Variants in ZFYVE16 observed in about 807,000 individuals in gnomAD.
ZFYVE16 encodes the protein zinc finger FYVE domain-containing protein 16.
In ZFYVE16, 89 loss-of-function variants were observed where a neutral mutation model predicts 138.1. The ratio of observed to expected loss-of-function variants is 0.64; its 90% CI spans 0.54 to 0.77. ZFYVE16 has a LOEUF of 0.77. Among genes scored for constraint, ZFYVE16 ranks in the 30% least tolerant of loss-of-function variants. The pLI is 0.00. For missense variants in ZFYVE16, 1,793 were observed against 1,786.7 expected (o/e 1.00, Z -0.06); for synonymous variants, 596 against 618.3 (o/e 0.96, Z 0.53).
intron 2 of ZFYVE16, among the ~76,000 whole-genome samples, chr5:80,431,276 G>A (rs905545264): frequency 6.6e-6 from 1 of 152,100 alleles, no homozygotes; most frequent in Non-Finnish European, 1.5e-5. Flanking sequence ...ATGCAAGGCT[G>A]GTTCAACATA....
intron 2 of ZFYVE16, among the ~76,000 whole-genome samples, chr5:80,430,124 A>G (rs1049681029): frequency 1.3e-5 from 2 of 152,216 alleles, no homozygotes; most frequent in South Asian, 4.1e-4. Context: ...ACCCCAAATC[A>G]ACAGAATATA....
intron 9 of ZFYVE16, 108 bp from the exon 10 acceptor site, chr5:80,450,323 T>C (rs914518686): frequency 9.2e-7 from 1 of 1,083,980 alleles, no homozygotes; most frequent in Admixed American, 2.6e-5. Flanking sequence ...AGGAGAACTT[T>C]GGGAACACAA....
Position 80,423,058 on chromosome 5 carries a change from C to T in ZFYVE16, c.-93-4434C>T, listed in dbSNP as rs559397150. 4.6e-5 allele frequency among the ~76,000 whole-genome samples: 7 copies of T among 152,172 alleles called. No homozygotes were observed. The East Asian group carries it at 1.2e-3, about 25-fold the overall frequency. ...TCTTATAGTATAAGTTAGAAGTGTT[C>T]CCTCTGCTGCTTTTTTCTGGAAGAG... On this transcript the variant is annotated intron_variant, in intron 1 of 18. Coordinates refer to ENST00000505560, the MANE Select transcript of ZFYVE16 (RefSeq NM_001284236.3).
At chr5:80,430,055 C>A (rs1561254267) in intron 2 of ZFYVE16, among the ~76,000 whole-genome samples, 1 of 152,086 alleles carries the variant, frequency 6.6e-6, no homozygotes, top group Admixed American at 6.6e-5. Context: ...ACAAGGATAT[C>A]CAGGAATTGA....
chr5:80,474,632 A>T, intron 17 of ZFYVE16, 31 bp from the exon 18 acceptor site: 1 of 1,572,330 alleles, frequency 6.4e-7, no homozygotes, highest in African/African-American at 1.4e-5. Context: ...ACTTTTAATC[A>T]TGACTTGTTT....
intron 4 of ZFYVE16, 74 bp from the exon 5 acceptor site, chr5:80,439,862 A>T: frequency 4.1e-6 from 5 of 1,215,358 alleles, no homozygotes; most frequent in Non-Finnish European, 5.7e-6. Context: ...TAGGTTTAGG[A>T]CCTCCCCACA....
At chr5:80,467,332 T>C (rs1351785220) in intron 15 of ZFYVE16, among the ~76,000 whole-genome samples, 1 of 152,200 alleles carries the variant, frequency 6.6e-6, no homozygotes, top group Non-Finnish European at 1.5e-5. Flanking sequence ...GGGAAGGTCC[T>C]ATGTGTCCAC....
intron 6 of ZFYVE16, among the ~76,000 whole-genome samples, chr5:80,443,557 A>G (rs775519878): frequency 7.9e-5 from 12 of 152,214 alleles, no homozygotes; most frequent in Admixed American, 2.6e-4. Flanking sequence ...CAGGAGCACC[A>G]GGAGGTGCTT....
chr5:80,423,358 A>G (rs1747520336), intron 1 of ZFYVE16, among the ~76,000 whole-genome samples: 1 of 152,066 alleles, frequency 6.6e-6, no homozygotes, highest in Non-Finnish European at 1.5e-5. Flanking sequence ...CCGTGGCATC[A>G]GTAGTGATGA....
intron 11 of ZFYVE16, among the ~76,000 whole-genome samples, chr5:80,453,660 G>A (rs1263298316): frequency 1.3e-5 from 2 of 152,114 alleles, no homozygotes; most frequent in Non-Finnish European, 2.9e-5. Context: ...TACATAGACT[G>A]GCACTTTGAC....
intron 4 of ZFYVE16, among the ~76,000 whole-genome samples, chr5:80,439,519 G>T (rs1012940376): frequency 6.6e-6 from 1 of 152,096 alleles, no homozygotes; most frequent in Non-Finnish European, 1.5e-5. Flanking sequence ...GTTGCCCATA[G>T]AAATCCTATT....
intron 1 of ZFYVE16, among the ~76,000 whole-genome samples, chr5:80,415,260 A>T (rs988205898): frequency 6.6e-6 from 1 of 152,220 alleles, no homozygotes; most frequent in Non-Finnish European, 1.5e-5. Context: ...TAGAGTTCCT[A>T]TATACTCCAC....
chr5:80,431,765 A>G (rs1446947995), intron 2 of ZFYVE16, among the ~76,000 whole-genome samples: 4 of 152,190 alleles, frequency 2.6e-5, no homozygotes, highest in Non-Finnish European at 4.4e-5. Flanking sequence ...TCAGTGTGCA[A>G]AAATCACAAG....
Position 80,438,942 on chromosome 5 carries a change from T to C in ZFYVE16, c.2257T>C (p.Cys753Arg). Reference sequence around the variant, plus strand: ...GGTTCCTGATTCAGAAGCTCCAAACTGTATGAACTGCCAAGTCAAATTTAC... The same window carrying C: ...GGTTCCTGATTCAGAAGCTCCAAACCGTATGAACTGCCAAGTCAAATTTAC... ...TWVPDSEAPN[C>R]MNCQVKFTFT... Residue 753 changes from cysteine (C) to arginine (R), a missense_variant, in exon 4 of 19, where the codon TGT (cysteine) becomes CGT (arginine). By Grantham distance (180) the Cys-to-Arg change is radical. Coordinates refer to ENST00000505560, the MANE Select transcript of ZFYVE16 (RefSeq NM_001284236.3). 2.5e-6 allele frequency: 4 copies of C among 1,614,036 alleles called. No homozygotes were observed. The highest frequency in any genetic ancestry group is 1.3e-5 in the African/African-American group (1 of 75,058).
chr5:80,438,219 G>T lies in ZFYVE16; in HGVS notation c.1534G>T (p.Asp512Tyr). 1 of 1,614,034 alleles carries T rather than the reference G, an allele frequency of 6.2e-7. No individual in the cohort carries two copies. Among genetic ancestry groups the T allele is most frequent in the Admixed American group, 1.7e-5 (1 of 60,012 alleles). ...TFSSNDMDGQ[D>Y]LDYFNIDEGA... ...TTCAAGCAATGATATGGATGGGCAA[G>T]ACTTAGATTACTTTAATATTGATGA... is the stretch of plus-strand genomic sequence containing the variant. Residue 512 changes from aspartate (D) to tyrosine (Y), a missense_variant, in exon 4 of 19, where the codon GAC becomes TAC. Coordinates refer to ENST00000505560, the MANE Select transcript of ZFYVE16 (RefSeq NM_001284236.3).
rs951135396 is a variant in ZFYVE16 at position 80,417,610 on chromosome 5, A to G, written c.-94+9457A>G. On this transcript the variant is annotated intron_variant, in intron 1 of 18. Transcript: ENST00000505560. ...TAGTATGTAAATTCTTTCACTTGGC[A>G]GTATACAGTAAGATTCACTCGTGTT... 7.2e-5 allele frequency among the ~76,000 whole-genome samples: 11 copies of G among 152,182 alleles called. No individual in the cohort carries two copies. The South Asian group carries it at 1.9e-3, about 26-fold the overall frequency.
intron 11 of ZFYVE16, chr5:80,451,978 G>GC (rs1752031989): frequency 2.8e-6 from 1 of 361,094 alleles, no homozygotes. Flanking sequence ...CTTTCACAGT[G>GC]CAGGTTGAGT....
At chr5:80,426,640 T>A (rs1166612449) in intron 1 of ZFYVE16, among the ~76,000 whole-genome samples, 1 of 152,240 alleles carries the variant, frequency 6.6e-6, no homozygotes, top group East Asian at 1.9e-4. Context: ...TGTTCCTTTT[T>A]ATGACCACAT....
rs191549951 is a variant in ZFYVE16, at chr5:80,449,528, T to C, written c.3104-63T>C. On this transcript the variant is annotated intron_variant, in intron 8 of 18. Transcript: ENST00000505560. ...CTGGTGGATTTATAAATTTGTTTTTTTCATTTGTAAGCATATTTAACAGGA... is the reference window on the plus strand; with the variant it reads ...CTGGTGGATTTATAAATTTGTTTTTCTCATTTGTAAGCATATTTAACAGGA... 4.0e-5 allele frequency: 61 copies of C among 1,528,816 alleles called. No individual in the cohort carries two copies. In the East Asian group the frequency reaches 1.1e-3, roughly 28 times the overall value. The allele number at this position is 1,528,816 out of a possible 1,614,324, so 94.7% of individuals were successfully genotyped here.
Sources: gnomAD v4.1 joint callset for allele counts (sites outside exome capture counted in the v4.1 genomes callset) on GRCh38, gnomAD v4.1.1 for gene constraint, MANE v1.5 for transcripts, NCBI Gene and HGNC (gene_info 2026-07-23, HGNC 2026-07-21) for gene names.